CEP57L1: variants seen among roughly 807,000 people sequenced by gnomAD.
CEP57L1 encodes centrosomal protein 57 like 1, also known as centrosomal protein CEP57L1.
CEP57L1 carries 37 observed loss-of-function variants against 61.0 expected under a neutral mutation model. The observed-to-expected ratio is 0.61, with a 90% CI of 0.47 to 0.80. The LOEUF is 0.80. CEP57L1 is among the 30% of genes least tolerant of loss of function. The pLI, the probability that CEP57L1 is intolerant of heterozygous loss-of-function variation, is 0.00. For missense variants in CEP57L1, 422 were observed against 524.7 expected (o/e 0.80, Z 1.91); for synonymous variants, 137 against 162.3 (o/e 0.84, Z 1.19).
intron 6 of CEP57L1, 74 bp from the exon 7 acceptor site, chr6:109,155,717 T>G: frequency 1.3e-6 from 1 of 746,850 alleles, no homozygotes; most frequent in East Asian, 2.9e-5. Context: ...TTTATAAACT[T>G]AGACCTGATA....
intron 8 of CEP57L1, 61 bp downstream of exon 8, chr6:109,159,163 A>G (rs1773496725): frequency 1.9e-6 from 3 of 1,613,686 alleles, no homozygotes; most frequent in South Asian, 2.2e-5. Flanking sequence ...TGTAAGTGCT[A>G]TTTAAATATC....
Position 109,095,875 on chromosome 6 carries a change from G to A in CEP57L1, c.-4+300G>A, listed in dbSNP as rs369025064. Reference sequence around the variant, plus strand: ...TGCCTCTGATTCCGCCCTTTTTTGTGGACACACGCGGGGTGGATTTGGGAT... The same window carrying A: ...TGCCTCTGATTCCGCCCTTTTTTGTAGACACACGCGGGGTGGATTTGGGAT... On this transcript the variant is annotated intron_variant, in intron 1 of 10. Transcript: ENST00000517392. Among the ~76,000 whole-genome samples, 27 of 152,182 alleles carry A rather than the reference G, an allele frequency of 1.8e-4. No individual in the cohort carries two copies. In the East Asian group the frequency reaches 5.2e-3, roughly 29 times the overall value.
In CEP57L1 at chr6:109,171,656, T is replaced by C. The variant is rs1774414440; in HGVS notation, c.*8686T>C. On this transcript the variant is annotated 3_prime_UTR_variant, in exon 11 of 11. Transcript: ENST00000517392. ...AGATTAAAGCATTTAGGAGTTTATA[T>C]GCAAAGAAGTCTTGCAAGGGAGTAC... Among the ~76,000 whole-genome samples, 1 of 152,198 alleles carries C rather than the reference T, an allele frequency of 6.6e-6. No homozygotes were observed. Among genetic ancestry groups the C allele is most frequent in the African/African-American group, 2.4e-5 (1 of 41,444 alleles).
chr6:109,119,559 C>T (rs1772706417), intron 1 of CEP57L1, among the ~76,000 whole-genome samples: 1 of 152,128 alleles, frequency 6.6e-6, no homozygotes, highest in African/African-American at 2.4e-5. Flanking sequence ...TTTGGATATA[C>T]GTTTGAGGTG....
intron 4 of CEP57L1, among the ~76,000 whole-genome samples, chr6:109,150,463 A>G (rs780161287): frequency 3.3e-5 from 5 of 152,086 alleles, no homozygotes; most frequent in Non-Finnish European, 7.4e-5. Context: ...AAGTAAAATT[A>G]CTAGCCTGGC....
intron 1 of CEP57L1, among the ~76,000 whole-genome samples, chr6:109,105,729 A>T (rs1770852940): frequency 6.6e-6 from 1 of 152,114 alleles, no homozygotes; most frequent in Non-Finnish European, 1.5e-5. Flanking sequence ...CATTTTCTAG[A>T]TAGATTATCT....
At chr6:109,150,661 CAA>C (rs751693443) in intron 4 of CEP57L1, among the ~76,000 whole-genome samples, 1,008 of 59,728 alleles carry the variant, frequency 0.017, 10 homozygotes, top group African/African-American at 0.054. Context: ...GACTCTGTCT[CAA>C]AAAAAAAAAA....
chr6:109,111,347 A>C (rs531211421), intron 1 of CEP57L1, among the ~76,000 whole-genome samples: 1 of 152,056 alleles, frequency 6.6e-6, no homozygotes, highest in Non-Finnish European at 1.5e-5. Context: ...TTATAAGAAT[A>C]CTTGTGATTT....
chr6:109,108,868 A>G (rs138954367), intron 1 of CEP57L1, among the ~76,000 whole-genome samples: 4 of 152,344 alleles, frequency 2.6e-5, no homozygotes, highest in African/African-American at 7.2e-5. Flanking sequence ...TCTGTTAAGT[A>G]CTTTTGAAGG....
At chr6:109,099,415 C>T (rs1326978992) in intron 1 of CEP57L1, among the ~76,000 whole-genome samples, 2 of 152,010 alleles carry the variant, frequency 1.3e-5, no homozygotes, top group African/African-American at 4.8e-5. Context: ...TGCTGTAGGT[C>T]AAATGAGATG....
Position 109,154,082 on chromosome 6 carries a change from A to G in CEP57L1, c.579+133A>G, listed in dbSNP as rs1772963176. 4 of 599,702 alleles carry G rather than the reference A, an allele frequency of 6.7e-6. No individual in the cohort carries two copies. The East Asian group carries it at 1.2e-4, about 18-fold the overall frequency. 37.1% of individuals were successfully genotyped at this position (599,702 alleles called of 1,614,324 possible). A position where few individuals can be genotyped will look rare whatever the true frequency, so the allele number is the denominator to read the frequency against. On this transcript the variant is annotated intron_variant, in intron 5 of 10. Coordinates refer to ENST00000517392, the MANE Select transcript of CEP57L1 (RefSeq NM_001271852.3). ...ACAACTTTTTATAATCCAGATATGA[A>G]TTCTCACCTATAGAGTGAAAAGTTA...
intron 1 of CEP57L1, among the ~76,000 whole-genome samples, chr6:109,132,218 A>T (rs1774274396): frequency 6.6e-6 from 1 of 152,166 alleles, no homozygotes; most frequent in Non-Finnish European, 1.5e-5. Context: ...AAGTGCTTTA[A>T]ACATTGACTT....
rs974507252 is a variant in CEP57L1, at chr6:109,167,907, T to C, written c.*4937T>C. Among the ~76,000 whole-genome samples, 5 of 152,262 alleles carry C rather than the reference T, an allele frequency of 3.3e-5. No homozygotes were observed. Among genetic ancestry groups the C allele is most frequent in the Non-Finnish European group, 7.3e-5 (5 of 68,046 alleles). On this transcript the variant is annotated 3_prime_UTR_variant, in exon 11 of 11. Transcript: ENST00000517392. ...TCTCTAATTATTGATCTCAAAATAC[T>C]GTATTAGCTACTATGGAATTCCGTT... is the stretch of plus-strand genomic sequence containing the variant.
rs77614013 is a variant in CEP57L1, at chr6:109,096,768, A to G, written c.-4+1193A>G. 8.3e-3 allele frequency among the ~76,000 whole-genome samples: 1,259 copies of G among 152,326 alleles called. 23 individuals carry two copies. Among genetic ancestry groups the G allele is most frequent in the African/African-American group, 0.029 (1,208 of 41,566 alleles). ...ACTTATGAGTGTGATTGAAAAAGCAAAACAAAAACCATTCCGTTTTCATCT... is the reference window on the plus strand; with the variant it reads ...ACTTATGAGTGTGATTGAAAAAGCAGAACAAAAACCATTCCGTTTTCATCT... On this transcript the variant is annotated intron_variant, in intron 1 of 10. Transcript: ENST00000517392.
Position 109,171,071 on chromosome 6 carries a change from T to G in CEP57L1, c.*8101T>G, listed in dbSNP as rs1477423477. On this transcript the variant is annotated 3_prime_UTR_variant, in exon 11 of 11. Transcript: ENST00000517392. The stretch of plus-strand genomic sequence containing the variant: ...TGATTCTCTCAAGGTATGATTTAAA[T>G]GGTGGACACTTAAGCCAAAATTTCA... Among the ~76,000 whole-genome samples, 3 of 151,928 alleles carry G rather than the reference T, an allele frequency of 2.0e-5. No homozygotes were observed. Among genetic ancestry groups the G allele is most frequent in the Non-Finnish European group, 4.4e-5 (3 of 68,024 alleles).
At position 109,174,099 on chromosome 6, in the gene CEP57L1, C is replaced by CAAAAAAAAAAAAAAAAAAAAAAAAAAA. The variant is rs1298260523; in HGVS notation, c.*11144_*11145insAAAAAAAAAAAAAAAAAAAAAAAAAAA. On this transcript the variant is annotated 3_prime_UTR_variant, in exon 11 of 11. Coordinates refer to ENST00000517392, the MANE Select transcript of CEP57L1 (RefSeq NM_001271852.3). ...TGAGCCATAGAGTGAGTCTTGGTCT[C>CAAAAAAAAAAAAAAAAAAAAAAAAAAA]AAAAAAAAAAAAAAACCTTGTGTTG... 6.1e-5 allele frequency among the ~76,000 whole-genome samples: 5 copies of CAAAAAAAAAAAAAAAAAAAAAAAAAAA among 81,922 alleles called. No individual in the cohort carries two copies. Among genetic ancestry groups the CAAAAAAAAAAAAAAAAAAAAAAAAAAA allele is most frequent in the African/African-American group, 1.9e-4 (4 of 20,892 alleles). The allele number at this position is 81,922 out of a possible 152,430, so 53.7% of individuals were successfully genotyped here.
At chr6:109,152,496 T>A (rs1006943983) in intron 4 of CEP57L1, among the ~76,000 whole-genome samples, 1 of 152,128 alleles carries the variant, frequency 6.6e-6, no homozygotes, top group African/African-American at 2.4e-5. Flanking sequence ...ACTTTATCTT[T>A]TACAGCCATT....
At chr6:109,159,901 G>T (rs1244635161) in intron 9 of CEP57L1, among the ~76,000 whole-genome samples, 1 of 152,040 alleles carries the variant, frequency 6.6e-6, no homozygotes, top group African/African-American at 2.4e-5. Flanking sequence ...TATAAGACAG[G>T]CTCTCCTTTT....
At chr6:109,153,123 AAAG>A (rs1454653921) in intron 4 of CEP57L1, among the ~76,000 whole-genome samples, 6 of 151,314 alleles carry the variant, frequency 4.0e-5, no homozygotes, top group Non-Finnish European at 5.9e-5. Flanking sequence ...AAAAAAAAGA[AAAG>A]AAAAGAAAAG....
Sources: allele counts gnomAD v4.1 joint callset (sites outside exome capture counted in the v4.1 genomes callset), GRCh38; gene constraint gnomAD v4.1.1; transcripts MANE v1.5; gene names NCBI Gene and HGNC (gene_info 2026-07-23, HGNC 2026-07-21).